The following ELMO1 variants were observed in gnomAD, a reference collection of about 807,000 sequenced individuals.
ELMO1 encodes engulfment and cell motility protein 1.
A neutral mutation model predicts 98.9 loss-of-function variants in ELMO1; 26 were observed. The ratio of observed to expected loss-of-function variants is 0.26; its 90% confidence interval spans 0.19 to 0.36. ELMO1 has a LOEUF of 0.36. Among genes scored for constraint, ELMO1 ranks in the 10% least tolerant of loss-of-function variants. The probability of loss-of-function intolerance (pLI) is 1.00; values close to 1 mark genes in which losing one functional copy is unlikely to be tolerated. For synonymous variants in ELMO1, 346 were observed against 346.0 expected (o/e 1.00, Z 0.00); for missense variants, 627 against 935.2 (o/e 0.67, Z 4.30).
intron 19 of ELMO1, among the ~76,000 whole-genome samples, chr7:36,877,280 G>A (rs1804060197): frequency 6.6e-6 from 1 of 152,096 alleles, no homozygotes; most frequent in Non-Finnish European, 1.5e-5. Context: ...CTGAGGCTAC[G>A]TTCATTTTAT....
intron 13 of ELMO1, among the ~76,000 whole-genome samples, chr7:37,170,870 G>A (rs142995216): frequency 2.8e-4 from 42 of 152,284 alleles, no homozygotes; most frequent in African/African-American, 8.7e-4. Context: ...GCCTGCCAAA[G>A]TGCTGGGATT....
intron 5 of ELMO1, among the ~76,000 whole-genome samples, chr7:37,265,496 A>C (rs1375394371): frequency 6.6e-6 from 1 of 151,992 alleles, no homozygotes; most frequent in East Asian, 1.9e-4. Flanking sequence ...TGGAAGAGAG[A>C]GTAGCTCGAA....
chr7:37,077,788 C>T (rs777980672), intron 15 of ELMO1, among the ~76,000 whole-genome samples: 13 of 152,088 alleles, frequency 8.5e-5, no homozygotes, highest in Non-Finnish European at 7.4e-5. Context: ...GGAGCTAGTG[C>T]ATTTTCACTT....
At chr7:37,104,770 G>A (rs921905099) in intron 14 of ELMO1, among the ~76,000 whole-genome samples, 3 of 151,896 alleles carry the variant, frequency 2.0e-5, no homozygotes, top group Middle Eastern at 3.4e-3. Context: ...AACTTAAAGC[G>A]ATATTTCCAA....
intron 13 of ELMO1, among the ~76,000 whole-genome samples, chr7:37,157,053 C>G (rs914401329): frequency 4.3e-4 from 65 of 152,124 alleles, no homozygotes; most frequent in African/African-American, 1.4e-3. Flanking sequence ...ATAAACAGAA[C>G]CAATGACAAA....
At chr7:37,432,290 G>C (rs969520647) in intron 1 of ELMO1, among the ~76,000 whole-genome samples, 1 of 152,206 alleles carries the variant, frequency 6.6e-6, no homozygotes, top group Non-Finnish European at 1.5e-5. Context: ...GAATAGGTAT[G>C]CTCAGCAACT....
intron 14 of ELMO1, among the ~76,000 whole-genome samples, chr7:37,132,377 T>C (rs1441606165): frequency 6.6e-6 from 1 of 152,236 alleles, no homozygotes; most frequent in Non-Finnish European, 1.5e-5. Context: ...CATTTATTCA[T>C]ATCCTTCCCT....
Position 36,855,838 on chromosome 7 carries a change from C to T in ELMO1, c.1984-87G>A, listed in dbSNP as rs934509092. On this transcript the variant is annotated intron_variant, in intron 21 of 21. Coordinates refer to ENST00000310758, the MANE Select transcript of ELMO1 (RefSeq NM_014800.11). The surrounding 1 kb of genome is among the most constrained non-coding windows in gnomAD (Gnocchi z 4.2). ...AAAATAGCTAACAGTGAATACTCAT[C>T]CCTCAGTAGGCTGTGCGCTAAGGGC... 7 of 1,481,262 alleles carry T rather than the reference C, an allele frequency of 4.7e-6. No homozygotes were observed. Among genetic ancestry groups the T allele is most frequent in the Non-Finnish European group, 6.6e-6 (7 of 1,067,854 alleles). The allele number at this position is 1,481,262 out of a possible 1,614,324, so 91.8% of individuals were successfully genotyped here.
intron 8 of ELMO1, among the ~76,000 whole-genome samples, chr7:37,232,017 T>C (rs909741094): frequency 6.6e-6 from 1 of 152,238 alleles, no homozygotes; most frequent in Middle Eastern, 3.4e-3. Flanking sequence ...TGCGCCCGGC[T>C]AATTTTTGTA....
At chr7:37,065,850 T>C (rs1796932113) in intron 15 of ELMO1, among the ~76,000 whole-genome samples, 1 of 152,218 alleles carries the variant, frequency 6.6e-6, no homozygotes, top group South Asian at 2.1e-4. Context: ...AAGTTATGTC[T>C]GTGACTCACT....
chr7:37,169,008 C>G (rs541932162), intron 13 of ELMO1, among the ~76,000 whole-genome samples: 5 of 152,166 alleles, frequency 3.3e-5, no homozygotes, highest in Non-Finnish European at 5.9e-5. Flanking sequence ...TCGAGCTTCC[C>G]GGCTGCTTTG....
intron 16 of ELMO1, among the ~76,000 whole-genome samples, chr7:36,982,078 G>A (rs1791105376): frequency 6.6e-6 from 1 of 152,168 alleles, no homozygotes; most frequent in South Asian, 2.1e-4. Flanking sequence ...CTGTGCAGCT[G>A]AATTGTAAAT....
rs186074307 is a variant in ELMO1, at chr7:37,254,634, G to A, written c.413+4547C>T. Among the ~76,000 whole-genome samples the A allele has an allele frequency of 4.6e-5, 7 of 152,286 alleles. No homozygotes were observed. The East Asian group carries it at 1.4e-3, about 29-fold the overall frequency. On this transcript the variant is annotated intron_variant, in intron 6 of 21. Transcript: ENST00000310758. ...GCAAATATTTGTGTATCTAAACAGA[G>A]AAGAGGTATAGTAAAACCATGGTAT...
chr7:37,186,455 G>GAT (rs1451071630), intron 13 of ELMO1, among the ~76,000 whole-genome samples: 1 of 152,032 alleles, frequency 6.6e-6, no homozygotes, highest in African/African-American at 2.4e-5. Context: ...AAACAAACTA[G>GAT]ATATATATCA....
intron 16 of ELMO1, among the ~76,000 whole-genome samples, chr7:36,900,325 G>A (rs1806398247): frequency 6.6e-6 from 1 of 152,172 alleles, no homozygotes; most frequent in South Asian, 2.1e-4. Context: ...TCCCTGGAGG[G>A]CAGGAACTAT....
At chr7:36,897,166 C>G (rs1806077778) in intron 16 of ELMO1, among the ~76,000 whole-genome samples, 1 of 152,140 alleles carries the variant, frequency 6.6e-6, no homozygotes, top group South Asian at 2.1e-4. Context: ...CTGAACTGAC[C>G]AATCAAAATC....
At position 36,864,445 on chromosome 7, in the gene ELMO1, G is replaced by A. The variant is rs188163124; in HGVS notation, c.1906-2709C>T. ...CTTTAATTTCACCAAAGCTGCCTGG[G>A]AGGGGGTGGGAGGAATTAATTCTCT... On this transcript the variant is annotated intron_variant, in intron 20 of 21. Transcript: ENST00000310758. Among the ~76,000 whole-genome samples the A allele has an allele frequency of 3.3e-5, 5 of 152,328 alleles. No individual in the cohort carries two copies. In the East Asian group the frequency reaches 9.7e-4, roughly 29 times the overall value.
chr7:37,239,687 G>A lies in ELMO1; in HGVS notation c.449+4669C>T, dbSNP rs528847577. Among the ~76,000 whole-genome samples, 172 of 150,606 alleles carry A rather than the reference G, an allele frequency of 1.1e-3. 1 individual carries two copies. The South Asian group carries it at 0.022, about 20-fold the overall frequency. ...ACCATGAAACAGATCTGATGCCTGCGAAGGGAAGGGGAAGAAGCAAATGCA... is the reference window on the plus strand; with the variant it reads ...ACCATGAAACAGATCTGATGCCTGCAAAGGGAAGGGGAAGAAGCAAATGCA... On this transcript the variant is annotated intron_variant, in intron 7 of 21. Coordinates refer to ENST00000310758, the MANE Select transcript of ELMO1 (RefSeq NM_014800.11).
At chr7:36,947,858 G>A (rs1197739679) in intron 16 of ELMO1, among the ~76,000 whole-genome samples, 1 of 152,058 alleles carries the variant, frequency 6.6e-6, no homozygotes, top group East Asian at 1.9e-4. Context: ...CAACCACCTA[G>A]GCCCTGAGGA....
Sources: allele counts gnomAD v4.1 joint callset (sites outside exome capture counted in the v4.1 genomes callset), GRCh38; gene constraint gnomAD v4.1.1; non-coding constraint Gnocchi (gnomAD v3.1); transcripts MANE v1.5; gene names NCBI Gene and HGNC (gene_info 2026-07-23, HGNC 2026-07-21).